Variants in NDUFS4 observed in about 807,000 individuals in gnomAD.
The protein encoded by NDUFS4 is NADH:ubiquinone oxidoreductase subunit S4, also known as NADH dehydrogenase [ubiquinone] iron-sulfur protein 4, mitochondrial.
Under a neutral mutation model 24.3 loss-of-function variants are expected in NDUFS4, and 28 were observed. That is an observed-to-expected ratio of 1.15 (90% CI 0.85 to 1.58). The LOEUF (loss-of-function observed/expected upper bound fraction) is 1.58. Among genes scored for constraint, NDUFS4 ranks in the 40% most tolerant of loss-of-function variants. The probability of loss-of-function intolerance (pLI) is 0.00; values close to 1 mark genes in which losing one functional copy is unlikely to be tolerated. For missense variants in NDUFS4, 223 were observed against 207.9 expected, an observed-to-expected ratio of 1.07 and a Z score of -0.45; for synonymous variants, 93 against 69.7, an observed-to-expected ratio of 1.34 and a Z score of -1.67.
At chr5:53,583,354 G>A (rs1167747804) in intron 1 of NDUFS4, among the ~76,000 whole-genome samples, 3 of 152,090 alleles carry the variant, frequency 2.0e-5, no homozygotes, top group African/African-American at 7.2e-5. Flanking sequence ...AAATGTATAT[G>A]TGGAGTCCTG....
At chr5:53,576,640 CA>C (rs1348182460) in intron 1 of NDUFS4, among the ~76,000 whole-genome samples, 1 of 107,228 alleles carries the variant, frequency 9.3e-6, no homozygotes, top group African/African-American at 3.3e-5. Context: ...AAAAAATACT[CA>C]ATGTTTGTAA....
intron 2 of NDUFS4, among the ~76,000 whole-genome samples, chr5:53,622,677 T>A (rs1440430003): frequency 6.6e-6 from 1 of 152,220 alleles, no homozygotes. Context: ...AATTCTAGGT[T>A]GAAGATTGGA....
At chr5:53,663,925 C>A (rs1752426608) in intron 4 of NDUFS4, among the ~76,000 whole-genome samples, 1 of 152,130 alleles carries the variant, frequency 6.6e-6, no homozygotes, top group Non-Finnish European at 1.5e-5. Flanking sequence ...TTCTTCTTAG[C>A]CTCGATGGTC....
chr5:53,575,234 T>C (rs1475424403), intron 1 of NDUFS4, among the ~76,000 whole-genome samples: 1 of 152,170 alleles, frequency 6.6e-6, no homozygotes, highest in Non-Finnish European at 1.5e-5. Context: ...GGAAAAGCTA[T>C]TTCAGACTCA....
chr5:53,623,465 G>C (rs181311044), intron 2 of NDUFS4, among the ~76,000 whole-genome samples: 27 of 152,104 alleles, frequency 1.8e-4, no homozygotes, highest in Non-Finnish European at 3.4e-4. Context: ...TTAGGTGTTT[G>C]TTTTTTTGTT....
At chr5:53,608,449 C>G (rs1344399377) in intron 2 of NDUFS4, among the ~76,000 whole-genome samples, 2 of 152,208 alleles carry the variant, frequency 1.3e-5, no homozygotes, top group Non-Finnish European at 2.9e-5. Flanking sequence ...TATCATTTTA[C>G]TCACAGTGGA....
intron 4 of NDUFS4, among the ~76,000 whole-genome samples, chr5:53,678,470 C>T (rs1394036977): frequency 6.6e-6 from 1 of 152,126 alleles, no homozygotes; most frequent in East Asian, 1.9e-4. Context: ...CTGTCTTGGA[C>T]TCCATTGCTT....
chr5:53,590,020 A>G (rs1314754319), intron 1 of NDUFS4, among the ~76,000 whole-genome samples: 1 of 152,192 alleles, frequency 6.6e-6, no homozygotes, highest in Non-Finnish European at 1.5e-5. Flanking sequence ...AACCCTGACT[A>G]ATACAGAGAA....
intron 2 of NDUFS4, among the ~76,000 whole-genome samples, chr5:53,627,806 A>G (rs1052729304): frequency 1.3e-5 from 2 of 152,312 alleles, no homozygotes; most frequent in East Asian, 3.9e-4. Context: ...CTTTCATGAT[A>G]CACAATAATG....
chr5:53,575,880 G>A (rs183224722), intron 1 of NDUFS4, among the ~76,000 whole-genome samples: 40 of 152,218 alleles, frequency 2.6e-4, no homozygotes, highest in African/African-American at 9.6e-4. Context: ...TCTCAACTGT[G>A]GTGGGAGAAA....
rs369207287 is a variant in NDUFS4, at chr5:53,663,464, CT to C, written c.424+4842del. 1.3e-3 allele frequency among the ~76,000 whole-genome samples: 193 copies of C among 152,182 alleles called. 1 individual carries two copies. The East Asian group carries it at 0.035, about 28-fold the overall frequency. ...TCTCCCATTGTTATTGCGTGGGAGT[CT>C]TAAGTCTCTTTGTAGGTCACTCAGG... On this transcript the variant is annotated intron_variant, in intron 4 of 4. Transcript: ENST00000296684.
intron 2 of NDUFS4, among the ~76,000 whole-genome samples, chr5:53,639,357 T>C (rs999963810): frequency 6.6e-6 from 1 of 151,886 alleles, no homozygotes; most frequent in African/African-American, 2.4e-5. Flanking sequence ...AGACCAAATA[T>C]GTTTAGCTAC....
rs560101120 is a variant in NDUFS4 at position 53,638,873 on chromosome 5, A to G, written c.178-7360A>G. 7.9e-5 allele frequency among the ~76,000 whole-genome samples: 12 copies of G among 152,198 alleles called. No homozygotes were observed. In the East Asian group the frequency reaches 2.3e-3, roughly 29 times the overall value. On this transcript the variant is annotated intron_variant, in intron 2 of 4. Coordinates refer to ENST00000296684, the MANE Select transcript of NDUFS4 (RefSeq NM_002495.4). ...TTTGCATCAGTGTACTATTAATACTATAGCTATAGCTAATGTTAATAAAAC... is the reference window on the plus strand; with the variant it reads ...TTTGCATCAGTGTACTATTAATACTGTAGCTATAGCTAATGTTAATAAAAC...
chr5:53,644,523 T>G (rs762505337), intron 2 of NDUFS4, among the ~76,000 whole-genome samples: 24 of 152,134 alleles, frequency 1.6e-4, no homozygotes, highest in Non-Finnish European at 2.8e-4. Context: ...TCCCAGGAGT[T>G]GAGCCACTTT....
rs114648090 is a variant in NDUFS4 at position 53,633,842 on chromosome 5, C to G, written c.178-12391C>G. Among the ~76,000 whole-genome samples, 242 of 152,242 alleles carry G rather than the reference C, an allele frequency of 1.6e-3. 2 individuals are homozygous for G. Among genetic ancestry groups the G allele is most frequent in the African/African-American group, 5.4e-3 (226 of 41,558 alleles). Reference sequence around the variant, plus strand: ...TTAAATTCTAGGCAGATTTTGGACTCAGATTATTTCACAAACATTTTTATA... The same window carrying G: ...TTAAATTCTAGGCAGATTTTGGACTGAGATTATTTCACAAACATTTTTATA... On this transcript the variant is annotated intron_variant, in intron 2 of 4. Transcript: ENST00000296684.
At chr5:53,626,084 T>C (rs1272811094) in intron 2 of NDUFS4, among the ~76,000 whole-genome samples, 1 of 152,118 alleles carries the variant, frequency 6.6e-6, no homozygotes, top group African/African-American at 2.4e-5. Flanking sequence ...CCCCGCCCTG[T>C]GTCCAAGTGT....
intron 2 of NDUFS4, among the ~76,000 whole-genome samples, chr5:53,618,534 T>C (rs561499617): frequency 6.6e-6 from 1 of 152,266 alleles, no homozygotes; most frequent in East Asian, 1.9e-4. Context: ...TATACGTATG[T>C]ACATGTATAG....
At chr5:53,610,469 TTGAAA>T (rs1750660231) in intron 2 of NDUFS4, among the ~76,000 whole-genome samples, 1 of 152,032 alleles carries the variant, frequency 6.6e-6, no homozygotes, top group African/African-American at 2.4e-5. Flanking sequence ...ACACAAAGAC[TTGAAA>T]TGAGCACACA....
At chr5:53,591,222 A>C (rs1213463923) in intron 1 of NDUFS4, among the ~76,000 whole-genome samples, 1 of 152,160 alleles carries the variant, frequency 6.6e-6, no homozygotes, top group Non-Finnish European at 1.5e-5. Context: ...TGCTGTGAAT[A>C]ATGCTGCTAT....
Sources: allele counts gnomAD v4.1 joint callset (sites outside exome capture counted in the v4.1 genomes callset), GRCh38; gene constraint gnomAD v4.1.1; transcripts MANE v1.5; gene names NCBI Gene and HGNC (gene_info 2026-07-23, HGNC 2026-07-21).